Variants in WDR27 observed in about 807,000 individuals in gnomAD.
WDR27 encodes WD repeat-containing protein 27.
WDR27 carries 100 observed loss-of-function variants against 114.4 expected under a neutral mutation model. The ratio of observed to expected loss-of-function variants is 0.87; its 90% CI spans 0.74 to 1.03. The LOEUF (loss-of-function observed/expected upper bound fraction) is 1.03. Ranked by LOEUF, WDR27 falls within the 50% of genes least tolerant of loss-of-function variation. WDR27 has a pLI of 0.00. For missense variants in WDR27, 1,129 were observed against 1,092.9 expected (o/e 1.03, Z -0.47); for synonymous variants, 449 against 423.1 (o/e 1.06, Z -0.75).
Position 169,667,157 on chromosome 6 carries a change from AT to A in WDR27, c.690del (p.Tyr231ThrfsTer37). On this transcript the variant is annotated frameshift_variant, in exon 6 of 26. Coordinates refer to ENST00000448612, the MANE Select transcript of WDR27 (RefSeq NM_182552.5). LOFTEE classifies it high-confidence loss of function. ...TTACCTGATAACACAGATGAACTGT[AT>A]ATTAATGATCCTGTACAATGGTCCC... ...KVWDHCTGSL[I>X]YSSSVLSAYP... 6.5e-7 allele frequency: 1 copy of A among 1,533,882 alleles called. No individual in the cohort carries two copies. The highest frequency in any genetic ancestry group is 1.3e-5 in the South Asian group (1 of 76,936).
chr6:169,539,481 G>T (rs1196822458), intron 25 of WDR27, among the ~76,000 whole-genome samples: 1 of 152,008 alleles, frequency 6.6e-6, no homozygotes, highest in Admixed American at 6.6e-5. Flanking sequence ...CTTGCTCCGT[G>T]TATCATGTTA....
rs3029697 is a variant in WDR27, at chr6:169,586,847, CAAAAAAAAAA to C, written c.2425-3923_2425-3914del. 1.9e-4 allele frequency among the ~76,000 whole-genome samples: 6 copies of C among 32,056 alleles called. 1 individual carries two copies. Among genetic ancestry groups the C allele is most frequent in the Non-Finnish European group, 3.3e-4 (6 of 17,964 alleles). The allele number at this position is 32,056 out of a possible 152,430, so 21.0% of individuals were successfully genotyped here. A position where few individuals can be genotyped will look rare whatever the true frequency, so the allele number is the denominator to read the frequency against. ...CTGGCGACACAGCTAGACTCTGTCT[CAAAAAAAAAA>C]AAAAAAAAAAAAAAAAAGGCAGTCG... On this transcript the variant is annotated intron_variant, in intron 23 of 25. Transcript: ENST00000448612.
chr6:169,581,301 C>G (rs940970008), intron 24 of WDR27, among the ~76,000 whole-genome samples: 1 of 152,100 alleles, frequency 6.6e-6, no homozygotes, highest in African/African-American at 2.4e-5. Flanking sequence ...TGACTCCCCC[C>G]ATAAATCACT....
intron 25 of WDR27, among the ~76,000 whole-genome samples, chr6:169,480,163 G>T (rs550565513): frequency 1.7e-4 from 26 of 152,352 alleles, no homozygotes; most frequent in African/African-American, 6.3e-4. Flanking sequence ...CCCAGGCAGT[G>T]AGGGGCTTAG....
chr6:169,521,598 G>A (rs140089988), intron 25 of WDR27, among the ~76,000 whole-genome samples: 13 of 152,122 alleles, frequency 8.5e-5, no homozygotes, highest in South Asian at 2.1e-4. Context: ...AGCTACAGCG[G>A]CCTTTTAAGA....
intron 24 of WDR27, among the ~76,000 whole-genome samples, chr6:169,578,040 C>G (rs1268966932): frequency 6.6e-6 from 1 of 152,212 alleles, no homozygotes; most frequent in Non-Finnish European, 1.5e-5. Flanking sequence ...ATTGATTCCC[C>G]TATTCTGGAA....
chr6:169,694,352 CAG>C (rs1316586299), intron 1 of WDR27, among the ~76,000 whole-genome samples: 1 of 152,160 alleles, frequency 6.6e-6, no homozygotes, highest in Non-Finnish European at 1.5e-5. Flanking sequence ...CGCACGCACA[CAG>C]AAACATTTCC....
intron 7 of WDR27, 51 bp from the exon 8 acceptor site, chr6:169,664,337 G>A (rs573740004): frequency 1.2e-5 from 20 of 1,610,502 alleles, no homozygotes; most frequent in Middle Eastern, 3.3e-4. Context: ...GGGTCCTGAC[G>A]CAGAAGCAGC....
At chr6:169,529,487 T>A (rs1795340265) in intron 25 of WDR27, among the ~76,000 whole-genome samples, 1 of 152,224 alleles carries the variant, frequency 6.6e-6, no homozygotes, top group South Asian at 2.1e-4. Context: ...CAACATACTA[T>A]TTTTCTGTAT....
At chr6:169,587,438 C>A (rs939399832) in intron 23 of WDR27, among the ~76,000 whole-genome samples, 1 of 152,086 alleles carries the variant, frequency 6.6e-6, no homozygotes, top group South Asian at 2.1e-4. Flanking sequence ...AGGCTGGTCT[C>A]GAACTCTTGA....
rs781214236 is a variant in WDR27, at chr6:169,669,003, T to TC, written c.457-819_457-818insG. On this transcript the variant is annotated intron_variant, in intron 4 of 25. Coordinates refer to ENST00000448612, the MANE Select transcript of WDR27 (RefSeq NM_182552.5). ...TAACCTGTGTAGGAATAGGGAGAGT[T>TC]ATGACACTGAGTGTTATGAAATATA... 3.1e-4 allele frequency among the ~76,000 whole-genome samples: 47 copies of TC among 152,236 alleles called. 1 individual carries two copies. The highest frequency in any genetic ancestry group is 6.5e-4 in the Non-Finnish European group (44 of 68,046).
In WDR27 at chr6:169,534,205, TG is replaced by T. The variant is rs1213332597; in HGVS notation, c.2645+38213del. ...TGCATTACATGTGCTAATTTGCATTTGTTAAACCAACCTTGCATTCCGGGGA... is the reference window on the plus strand; with the variant it reads ...TGCATTACATGTGCTAATTTGCATTTTTAAACCAACCTTGCATTCCGGGGA... On this transcript the variant is annotated intron_variant, in intron 25 of 25. Coordinates refer to ENST00000448612, the MANE Select transcript of WDR27 (RefSeq NM_182552.5). Among the ~76,000 whole-genome samples, 3 of 152,246 alleles carry T rather than the reference TG, an allele frequency of 2.0e-5. 1 individual carries two copies. The highest frequency in any genetic ancestry group is 4.4e-5 in the Non-Finnish European group (3 of 68,034).
At chr6:169,430,721 G>A in the WDR27 span, among the ~76,000 whole-genome samples, 22 of 152,318 alleles carry the variant, frequency 1.4e-4, no homozygotes, top group South Asian at 2.5e-3. Flanking sequence ...ATCTGTAATA[G>A]TAATTATAAA....
chr6:169,655,756 G>A (rs958205672), intron 13 of WDR27, among the ~76,000 whole-genome samples: 9 of 152,156 alleles, frequency 5.9e-5, no homozygotes, highest in South Asian at 2.1e-4. Flanking sequence ...GTCTCGCCCT[G>A]TTGCCCAGGC....
Position 169,647,445 on chromosome 6 carries a change from C to T in WDR27, c.1657+328G>A, listed in dbSNP as rs567661952. Among the ~76,000 whole-genome samples, 3 of 152,332 alleles carry T rather than the reference C, an allele frequency of 2.0e-5. No homozygotes were observed. The South Asian group carries it at 6.2e-4, about 32-fold the overall frequency. On this transcript the variant is annotated intron_variant, in intron 16 of 25. Transcript: ENST00000448612. Reference sequence around the variant, plus strand: ...TAGCTTCTTTGCCTGCCGAAGCCCTCCCACCTTAACATGTCTGTAGGAGGG... The same window carrying T: ...TAGCTTCTTTGCCTGCCGAAGCCCTTCCACCTTAACATGTCTGTAGGAGGG...
At chr6:169,444,572 C>T in the WDR27 span, among the ~76,000 whole-genome samples, 33 of 152,202 alleles carry the variant, frequency 2.2e-4, no homozygotes, top group African/African-American at 7.5e-4. Context: ...GCCTCCTTTA[C>T]AAGCAACATC....
chr6:169,482,369 AC>A (rs1387050344), intron 25 of WDR27, among the ~76,000 whole-genome samples: 1 of 152,194 alleles, frequency 6.6e-6, no homozygotes, highest in Non-Finnish European at 1.5e-5. Context: ...TTGAGGAATC[AC>A]CACACTGTCT....
intron 25 of WDR27, among the ~76,000 whole-genome samples, chr6:169,567,261 G>A (rs374305766): frequency 3.3e-5 from 5 of 152,306 alleles, no homozygotes; most frequent in East Asian, 1.9e-4. Flanking sequence ...CCATTTGAAC[G>A]GGGCCCTTCC....
At chr6:169,433,248 A>G in the WDR27 span, among the ~76,000 whole-genome samples, 1 of 151,868 alleles carries the variant, frequency 6.6e-6, no homozygotes, top group Non-Finnish European at 1.5e-5. Context: ...CTTGCCTCCC[A>G]CCCCAAAAGA....
Sources: gnomAD v4.1 joint callset for allele counts (sites outside exome capture counted in the v4.1 genomes callset) on GRCh38, gnomAD v4.1.1 for gene constraint, MANE v1.5 for transcripts, NCBI Gene and HGNC (gene_info 2026-07-23, HGNC 2026-07-21) for gene names.